The following PTPRT variants were observed in gnomAD, a reference collection of about 807,000 sequenced individuals.
The protein encoded by PTPRT is protein tyrosine phosphatase receptor type T.
A neutral mutation model predicts 176.8 loss-of-function variants in PTPRT; 56 were observed. The ratio of observed to expected loss-of-function variants is 0.32; its 90% CI spans 0.26 to 0.40. The LOEUF (loss-of-function observed/expected upper bound fraction) is 0.40. PTPRT is among the 10% of genes least tolerant of loss of function. The pLI is 1.00. For synonymous variants in PTPRT, 783 were observed against 739.0 expected (o/e 1.06, Z -0.96); for missense variants, 1,540 against 1,908.2 (o/e 0.81, Z 3.60).
intron 13 of PTPRT, among the ~76,000 whole-genome samples, chr20:42,258,093 A>G (rs1393723327): frequency 6.6e-6 from 1 of 152,144 alleles, no homozygotes; most frequent in Non-Finnish European, 1.5e-5. Context: ...AAATATCTGG[A>G]AGAAAGAAGC....
chr20:42,156,947 A>C (rs943908820), intron 17 of PTPRT, among the ~76,000 whole-genome samples: 13 of 152,200 alleles, frequency 8.5e-5, no homozygotes, highest in African/African-American at 3.1e-4. Context: ...TGTCTTCTCA[A>C]AGCTCTGAGG....
intron 7 of PTPRT, among the ~76,000 whole-genome samples, chr20:42,502,272 T>C (rs1388157731): frequency 1.3e-5 from 2 of 152,016 alleles, no homozygotes; most frequent in African/African-American, 4.8e-5. Flanking sequence ...CTTCTGTCTA[T>C]GAAACATCTT....
chr20:42,049,260 G>A, the PTPRT span, among the ~76,000 whole-genome samples: 2 of 152,214 alleles, frequency 1.3e-5, no homozygotes, highest in Admixed American at 6.5e-5. Flanking sequence ...AATGCACATC[G>A]AAGCTGCTGG....
intron 26 of PTPRT, among the ~76,000 whole-genome samples, chr20:42,101,173 T>G (rs1328158752): frequency 6.6e-6 from 1 of 152,128 alleles, no homozygotes; most frequent in Non-Finnish European, 1.5e-5. Flanking sequence ...TGTTCTTGGT[T>G]TTGAGCCTCA....
chr20:42,127,757 C>A (rs896128731), intron 19 of PTPRT, among the ~76,000 whole-genome samples: 1 of 152,178 alleles, frequency 6.6e-6, no homozygotes, highest in Non-Finnish European at 1.5e-5. Context: ...TTAGCAAATT[C>A]TCTCACTTCC....
chr20:42,576,040 C>T (rs1007282333), intron 7 of PTPRT, among the ~76,000 whole-genome samples: 1 of 152,164 alleles, frequency 6.6e-6, no homozygotes, highest in African/African-American at 2.4e-5. Context: ...GACGTGGCAA[C>T]CTGTCGAGAC....
intron 7 of PTPRT, among the ~76,000 whole-genome samples, chr20:42,654,552 G>T (rs547739099): frequency 6.6e-6 from 1 of 152,260 alleles, no homozygotes; most frequent in South Asian, 2.1e-4. Context: ...AGGGACAAGC[G>T]AAAGAGTTAT....
intron 9 of PTPRT, among the ~76,000 whole-genome samples, chr20:42,408,996 T>TA (rs1323935306): frequency 6.6e-6 from 1 of 152,168 alleles, no homozygotes; most frequent in Non-Finnish European, 1.5e-5. Context: ...CCTCATGACT[T>TA]AATCACCTCC....
intron 7 of PTPRT, among the ~76,000 whole-genome samples, chr20:42,663,712 T>G (rs1161238373): frequency 6.6e-6 from 1 of 152,220 alleles, no homozygotes; most frequent in African/African-American, 2.4e-5. Context: ...CAGTAATTAC[T>G]TACACTCGTG....
the PTPRT span, among the ~76,000 whole-genome samples, chr20:42,041,608 G>T: frequency 6.6e-6 from 1 of 152,152 alleles, no homozygotes. Context: ...GACTTTGAAG[G>T]CATGCTGCCT....
intron 1 of PTPRT, among the ~76,000 whole-genome samples, chr20:43,137,460 A>C (rs2013868736): frequency 6.6e-6 from 1 of 152,206 alleles, no homozygotes; most frequent in Non-Finnish European, 1.5e-5. Flanking sequence ...TGCAAGCCTT[A>C]AATATTTGCT....
At chr20:43,105,100 G>C (rs559474979) in intron 1 of PTPRT, among the ~76,000 whole-genome samples, 1 of 152,094 alleles carries the variant, frequency 6.6e-6, no homozygotes, top group African/African-American at 2.4e-5. Context: ...GATGGACAGG[G>C]GAAGGTAGAG....
chr20:42,713,404 GA>G (rs1453735731), intron 6 of PTPRT, among the ~76,000 whole-genome samples: 3 of 152,112 alleles, frequency 2.0e-5, no homozygotes, highest in Non-Finnish European at 4.4e-5. Context: ...AGATGCTGAC[GA>G]ATCTCAAGTA....
chr20:42,589,028 C>G (rs946778631), intron 7 of PTPRT, among the ~76,000 whole-genome samples: 2 of 152,176 alleles, frequency 1.3e-5, no homozygotes, highest in Non-Finnish European at 2.9e-5. Context: ...GAGGAAATGA[C>G]ACATTCATTA....
At chr20:42,653,478 G>C (rs558463859) in intron 7 of PTPRT, among the ~76,000 whole-genome samples, 1 of 152,316 alleles carries the variant, frequency 6.6e-6, no homozygotes, top group Non-Finnish European at 1.5e-5. Flanking sequence ...GAAAAAGGTA[G>C]ATGATCTTGC....
At chr20:43,074,477 G>T (rs575336019) in intron 1 of PTPRT, among the ~76,000 whole-genome samples, 1 of 152,166 alleles carries the variant, frequency 6.6e-6, no homozygotes, top group African/African-American at 2.4e-5. Flanking sequence ...CTGCAGGATG[G>T]AAAGTAACAT....
At chr20:42,986,874 C>T (rs1236271816) in intron 1 of PTPRT, among the ~76,000 whole-genome samples, 2 of 152,192 alleles carry the variant, frequency 1.3e-5, no homozygotes, top group Non-Finnish European at 2.9e-5. Context: ...CTGTGAACAC[C>T]AGAGGCTGGG....
At chr20:42,602,967 G>A (rs1321042863) in intron 7 of PTPRT, among the ~76,000 whole-genome samples, 1 of 152,146 alleles carries the variant, frequency 6.6e-6, no homozygotes, top group Non-Finnish European at 1.5e-5. Context: ...TCTGAAATGG[G>A]AAGTCCCAAG....
chr20:42,164,743 G>A (rs1989755882), intron 16 of PTPRT, among the ~76,000 whole-genome samples: 1 of 152,214 alleles, frequency 6.6e-6, no homozygotes, highest in Non-Finnish European at 1.5e-5. Context: ...ACGTTATGAT[G>A]TTCCTGTTCA....
Sources: gnomAD v4.1 joint callset for allele counts (sites outside exome capture counted in the v4.1 genomes callset) on GRCh38, gnomAD v4.1.1 for gene constraint, MANE v1.5 for transcripts, NCBI Gene and HGNC (gene_info 2026-07-23, HGNC 2026-07-21) for gene names.